Variants in VSTM1 observed in about 807,000 individuals in gnomAD.
VSTM1 encodes the protein V-set and transmembrane domain-containing protein 1.
A neutral mutation model predicts 33.1 loss-of-function variants in VSTM1; 27 were observed. The ratio of observed to expected loss-of-function variants is 0.82; its 90% CI spans 0.60 to 1.12. The LOEUF (loss-of-function observed/expected upper bound fraction) is 1.12, where lower values mean the gene tolerates loss of function less well. Among genes scored for constraint, VSTM1 ranks in the 50% most tolerant of loss-of-function variants. VSTM1 has a pLI of 0.00. For missense variants in VSTM1, 304 were observed against 288.9 expected, an observed-to-expected ratio of 1.05 and a Z score of -0.38; for synonymous variants, 115 against 110.3, an observed-to-expected ratio of 1.04 and a Z score of -0.27.
chr19:54,041,583 G>A (rs749114027), intron 8 of VSTM1, among the ~76,000 whole-genome samples, 196 bp downstream of exon 8: 1 of 152,192 alleles, frequency 6.6e-6, no homozygotes, highest in East Asian at 1.9e-4. Flanking sequence ...TTACAGGCGT[G>A]AGCCACCGCG....
intron 3 of VSTM1, among the ~76,000 whole-genome samples, chr19:54,052,071 T>C (rs1472491069): frequency 6.6e-6 from 1 of 152,096 alleles, no homozygotes; most frequent in Non-Finnish European, 1.5e-5. Context: ...TATATTTCTA[T>C]CTCCACAGTG....
chr19:54,042,665 G>C (rs2070349268), intron 4 of VSTM1, among the ~76,000 whole-genome samples: 1 of 151,058 alleles, frequency 6.6e-6, no homozygotes, highest in African/African-American at 2.4e-5. Flanking sequence ...AAAATTCCCA[G>C]GGAATGTTTG....
chr19:54,057,808 CAA>C (rs74589305), intron 3 of VSTM1, among the ~76,000 whole-genome samples: 6 of 116,958 alleles, frequency 5.1e-5, no homozygotes, highest in Non-Finnish European at 5.3e-5. Context: ...GACTCCCTCT[CAA>C]AAAAAAAAAA....
rs879970929 is a variant in VSTM1, at chr19:54,056,209, C to CTTT, written c.355+2094_355+2096dup. Among the ~76,000 whole-genome samples the CTTT allele has an allele frequency of 3.3e-3, 154 of 46,396 alleles. 7 individuals carry two copies. The highest frequency in any genetic ancestry group is 0.013 in the Middle Eastern group (1 of 76). The allele number at this position is 46,396 out of a possible 152,430, so 30.4% of individuals were successfully genotyped here. A position where few individuals can be genotyped will look rare whatever the true frequency, so the allele number is the denominator to read the frequency against. ...TTCTTTTCTTTCTTTCTTTTCTTTT[C>CTTT]TTTTCTTTTTTTTTTTTTTTTTTTT... On this transcript the variant is annotated intron_variant, in intron 3 of 8. Coordinates refer to ENST00000338372, the MANE Select transcript of VSTM1 (RefSeq NM_198481.4).
chr19:54,054,773 G>A (rs1472896748), intron 3 of VSTM1, among the ~76,000 whole-genome samples: 1 of 138,168 alleles, frequency 7.2e-6, no homozygotes, highest in East Asian at 2.1e-4. Context: ...GGGTAGGTAG[G>A]TAGATAGATG....
Position 54,041,043 on chromosome 19 carries a change from C to T in VSTM1, c.629G>A (p.Ser210Asn). 1 of 1,607,032 alleles carries T rather than the reference C, an allele frequency of 6.2e-7. No individual in the cohort carries two copies. ...DPQGVTYAELSTSALSEAASD... is the reference protein window; with the variant it reads ...DPQGVTYAELNTSALSEAASD... ...AGCTGCCTCAGACAGGGCGCTGGTG[C>T]TTAGCTCAGCATAGGTCACTCCTTG... The change falls in exon 9 of 9, where the codon AGC becomes AAC. Residue 210 changes from serine (S) to asparagine (N), a missense_variant. Transcript: ENST00000338372.
chr19:54,044,735 A>G (rs1331290975), intron 4 of VSTM1, among the ~76,000 whole-genome samples: 1 of 152,210 alleles, frequency 6.6e-6, no homozygotes, highest in Non-Finnish European at 1.5e-5. Context: ...GGTGAAGGGC[A>G]TGCATTCCCG....
At chr19:54,050,066 T>G (rs2146081147) in intron 4 of VSTM1, among the ~76,000 whole-genome samples, 1 of 144,814 alleles carries the variant, frequency 6.9e-6, no homozygotes, top group East Asian at 2.1e-4. Flanking sequence ...TGGTGTAATC[T>G]CGGCTCACTG....
At chr19:54,054,111 T>G (rs1458343800) in intron 3 of VSTM1, among the ~76,000 whole-genome samples, 3 of 141,946 alleles carry the variant, frequency 2.1e-5, no homozygotes, top group African/African-American at 7.8e-5. Flanking sequence ...ATAAAGTGAT[T>G]TGCAAAGCAG....
intron 4 of VSTM1, among the ~76,000 whole-genome samples, chr19:54,042,662 C>G (rs1162795671): frequency 2.7e-5 from 4 of 150,556 alleles, no homozygotes; most frequent in Non-Finnish European, 5.9e-5. Context: ...CCAAAAATTC[C>G]CAGGGAATGT....
intron 1 of VSTM1, 113 bp from the exon 2 acceptor site, chr19:54,058,845 T>C (rs1568479468): frequency 2.5e-6 from 1 of 398,286 alleles, no homozygotes; most frequent in African/African-American, 2.1e-5. Context: ...ATATATATAA[T>C]GTATATATGT....
intron 4 of VSTM1, chr19:54,048,296 T>G (rs1318548715): frequency 3.0e-6 from 1 of 334,978 alleles, no homozygotes; most frequent in Non-Finnish European, 6.1e-6. Flanking sequence ...TTGTATTTTT[T>G]GTAGAGATGG....
At chr19:54,042,088 G>T (rs1185961289) in intron 6 of VSTM1, 81 bp downstream of exon 6, 8 of 1,609,138 alleles carry the variant, frequency 5.0e-6, no homozygotes, top group Middle Eastern at 1.7e-4. Context: ...GGGGCTCAGG[G>T]TGCCAATCCC....
intron 4 of VSTM1, among the ~76,000 whole-genome samples, chr19:54,044,987 C>G (rs1568455649): frequency 6.6e-6 from 1 of 152,134 alleles, no homozygotes; most frequent in Non-Finnish European, 1.5e-5. Context: ...GGGGCTTCAC[C>G]AAGACCCCCG....
intron 1 of VSTM1, among the ~76,000 whole-genome samples, chr19:54,062,734 A>AG (rs2071454928): frequency 6.6e-6 from 1 of 151,224 alleles, no homozygotes; most frequent in South Asian, 2.1e-4. Flanking sequence ...AAAAAAAAAA[A>AG]AATGCTCATC....
chr19:54,041,391 T>C (rs1246659769), intron 8 of VSTM1, among the ~76,000 whole-genome samples: 2 of 151,928 alleles, frequency 1.3e-5, no homozygotes, highest in Non-Finnish European at 2.9e-5. Context: ...AACCTCCGCC[T>C]CCCGGGTTCA....
intron 4 of VSTM1, among the ~76,000 whole-genome samples, chr19:54,045,317 C>T (rs966889058): frequency 4.6e-5 from 7 of 151,946 alleles, no homozygotes; most frequent in Admixed American, 6.6e-5. Flanking sequence ...CCAATCTATC[C>T]GTCCTATCTA....
chr19:54,052,322 C>T (rs980891671), intron 3 of VSTM1, among the ~76,000 whole-genome samples: 3,598 of 114,128 alleles, frequency 0.032, 112 homozygotes, highest in Non-Finnish European at 0.034. Context: ...GGCGTGAACC[C>T]GGGAGGCGGA....
intron 3 of VSTM1, 124 bp downstream of exon 3, chr19:54,058,182 G>GT: frequency 9.3e-7 from 1 of 1,070,184 alleles, no homozygotes; most frequent in East Asian, 2.6e-5. Context: ...AGAAGTTGCA[G>GT]TGAGCCGAGA....
Sources: allele counts gnomAD v4.1 joint callset (sites outside exome capture counted in the v4.1 genomes callset), GRCh38; gene constraint gnomAD v4.1.1; transcripts MANE v1.5; gene names NCBI Gene and HGNC (gene_info 2026-07-23, HGNC 2026-07-21).